ACTR10: variants seen among roughly 807,000 people sequenced by gnomAD.
ACTR10 encodes the protein actin-related protein 10.
A neutral mutation model predicts 56.2 loss-of-function variants in ACTR10; 43 were observed. The ratio of observed to expected loss-of-function variants is 0.77; its 90% confidence interval spans 0.60 to 0.99. The LOEUF is 0.99. Ranked by LOEUF, ACTR10 falls within the 50% of genes least tolerant of loss-of-function variation. ACTR10 has a pLI of 0.00. For synonymous variants in ACTR10, 170 were observed against 176.3 expected, an observed-to-expected ratio of 0.96 and a Z score of 0.28; for missense variants, 466 against 507.8, an observed-to-expected ratio of 0.92 and a Z score of 0.79.
At chr14:58,217,006 T>C (rs1024226880) in intron 7 of ACTR10, among the ~76,000 whole-genome samples, 1 of 152,216 alleles carries the variant, frequency 6.6e-6, no homozygotes, top group Non-Finnish European at 1.5e-5. Flanking sequence ...TTTCCTGTTG[T>C]TCCCTATTGA....
At chr14:58,206,195 A>G (rs1055125618) in intron 2 of ACTR10, among the ~76,000 whole-genome samples, 8 of 146,754 alleles carry the variant, frequency 5.5e-5, no homozygotes, top group African/African-American at 7.6e-5. Flanking sequence ...TTTTTTTTTG[A>G]GATGGAGTCT....
At chr14:58,212,180 A>AATATAT in intron 5 of ACTR10, among the ~76,000 whole-genome samples, 1 of 152,136 alleles carries the variant, frequency 6.6e-6, no homozygotes, top group South Asian at 2.1e-4. Context: ...CTCATAGAAG[A>AATATAT]GTTGTGTTAG....
intron 10 of ACTR10, among the ~76,000 whole-genome samples, chr14:58,229,366 A>G (rs1386691912): frequency 1.3e-5 from 2 of 152,164 alleles, no homozygotes; most frequent in African/African-American, 2.4e-5. Context: ...ACACTATTCT[A>G]TACTGAAAAT....
At chr14:58,220,859 GCT>G (rs1299649233) in intron 8 of ACTR10, among the ~76,000 whole-genome samples, 1 of 152,166 alleles carries the variant, frequency 6.6e-6, no homozygotes, top group African/African-American at 2.4e-5. Flanking sequence ...CATGAAGTTT[GCT>G]AACTTCATTA....
intron 8 of ACTR10, among the ~76,000 whole-genome samples, chr14:58,219,979 G>A (rs1889225401): frequency 6.6e-6 from 1 of 152,072 alleles, no homozygotes; most frequent in African/African-American, 2.4e-5. Context: ...GGGTTACCAG[G>A]GAACTAGTAT....
At chr14:58,223,217 A>C (rs1158107023) in intron 8 of ACTR10, among the ~76,000 whole-genome samples, 1 of 151,860 alleles carries the variant, frequency 6.6e-6, no homozygotes, top group African/African-American at 2.4e-5. Context: ...GCTCACTGCA[A>C]CCTCCACCTC....
rs1594816379 is a variant in ACTR10 at position 58,232,046 on chromosome 14, T to G, written c.871-20T>G. 6.3e-7 allele frequency: 1 copy of G among 1,577,668 alleles called. No individual in the cohort carries two copies. Among genetic ancestry groups the G allele is most frequent in the East Asian group, 2.2e-5 (1 of 44,658 alleles). On this transcript the variant is annotated intron_variant, in intron 11 of 12. Transcript: ENST00000254286. ...TGTACAGTTCAGAATAAATCCTTCTTTTTTTCTTTTTAATAACAGTGTCCG... is the reference window on the plus strand; with the variant it reads ...TGTACAGTTCAGAATAAATCCTTCTGTTTTTCTTTTTAATAACAGTGTCCG...
At chr14:58,231,009 G>A (rs981954595) in intron 11 of ACTR10, 21 of 267,642 alleles carry the variant, frequency 7.8e-5, no homozygotes, top group Admixed American at 7.6e-5. Context: ...CGCCCGCCTC[G>A]GCCTCCCAAA....
chr14:58,212,258 G>C (rs977312791), intron 5 of ACTR10, among the ~76,000 whole-genome samples: 7 of 152,136 alleles, frequency 4.6e-5, no homozygotes, highest in African/African-American at 1.7e-4. Context: ...CTCAGTACGT[G>C]CTGTGGTTTT....
In ACTR10 at chr14:58,232,969, C is replaced by G. The variant is rs111716767; in HGVS notation, c.1072+702C>G. 8.2e-3 allele frequency among the ~76,000 whole-genome samples: 1,239 copies of G among 151,326 alleles called. 23 individuals carry two copies. Among genetic ancestry groups the G allele is most frequent in the African/African-American group, 0.028 (1,154 of 41,210 alleles). On this transcript the variant is annotated intron_variant, in intron 12 of 12. Coordinates refer to ENST00000254286, the MANE Select transcript of ACTR10 (RefSeq NM_018477.3). Reference sequence around the variant, plus strand: ...CACCGCAACCTCTGCCTCCCAGGCTCAAGCAATCCTCCTGCCTCAGCCTCC... The same window carrying G: ...CACCGCAACCTCTGCCTCCCAGGCTGAAGCAATCCTCCTGCCTCAGCCTCC...
chr14:58,209,237 T>A, intron 4 of ACTR10, 130 bp downstream of exon 4: 1 of 583,142 alleles, frequency 1.7e-6, no homozygotes, highest in Non-Finnish European at 2.9e-6. Context: ...CTTAAACTAA[T>A]AAAAGCCCTT....
chr14:58,227,350 G>A (rs1384112252), intron 10 of ACTR10, among the ~76,000 whole-genome samples: 1 of 152,038 alleles, frequency 6.6e-6, no homozygotes, highest in African/African-American at 2.4e-5. Context: ...GGCCAACATG[G>A]TGAAACCCCA....
intron 2 of ACTR10, among the ~76,000 whole-genome samples, chr14:58,204,814 A>G (rs762095589): frequency 6.6e-5 from 10 of 152,224 alleles, no homozygotes; most frequent in Non-Finnish European, 1.5e-4. Context: ...TTTCTTGATG[A>G]AAGTTATACT....
Position 58,219,547 on chromosome 14 carries a change from A to C in ACTR10, c.599-147A>C. On this transcript the variant is annotated intron_variant, in intron 7 of 12. Transcript: ENST00000254286. ...ATATTTCTTCCCTAAAACAAAATTA[A>C]ATTTTTCTGTTAGACTTTTTGAGAA... The C allele has an allele frequency of 8.1e-6, 4 of 492,240 alleles. No individual in the cohort carries two copies. In the Admixed American group the frequency reaches 1.2e-4, roughly 15 times the overall value. The allele number at this position is 492,240 out of a possible 1,614,324, so 30.5% of individuals were successfully genotyped here. A position where few individuals can be genotyped will look rare whatever the true frequency, so the allele number is the denominator to read the frequency against.
At chr14:58,228,365 C>A (rs1006745448) in intron 10 of ACTR10, among the ~76,000 whole-genome samples, 2 of 152,162 alleles carry the variant, frequency 1.3e-5, no homozygotes, top group Non-Finnish European at 2.9e-5. Flanking sequence ...TGCCTATAAT[C>A]CCAACACTTT....
chr14:58,232,716 C>A (rs1283881768), intron 12 of ACTR10, among the ~76,000 whole-genome samples: 1 of 151,862 alleles, frequency 6.6e-6, no homozygotes, highest in Non-Finnish European at 1.5e-5. Flanking sequence ...GCCCAGCTGA[C>A]TTTTTCTTAA....
At chr14:58,220,585 A>G (rs1022858975) in intron 8 of ACTR10, among the ~76,000 whole-genome samples, 2 of 152,164 alleles carry the variant, frequency 1.3e-5, no homozygotes, top group Non-Finnish European at 2.9e-5. Flanking sequence ...TTCCATTTCT[A>G]TCCTCCGTGA....
chr14:58,221,282 A>C (rs1345787538), intron 8 of ACTR10, among the ~76,000 whole-genome samples: 5 of 40,892 alleles, frequency 1.2e-4, no homozygotes, highest in Non-Finnish European at 3.6e-4. Context: ...ACTCTGTCTA[A>C]AAAAAAAAAA....
intron 10 of ACTR10, among the ~76,000 whole-genome samples, chr14:58,224,339 T>A (rs1889350238): frequency 6.6e-6 from 1 of 151,880 alleles, no homozygotes; most frequent in Non-Finnish European, 1.5e-5. Flanking sequence ...AAAAAAAAAA[T>A]TATCTCCTAT....
Sources: allele counts gnomAD v4.1 joint callset (sites outside exome capture counted in the v4.1 genomes callset), GRCh38; gene constraint gnomAD v4.1.1; transcripts MANE v1.5; gene names NCBI Gene and HGNC (gene_info 2026-07-23, HGNC 2026-07-21).